The following TDRD9 variants were observed in gnomAD, a reference collection of about 807,000 sequenced individuals.
TDRD9 encodes the protein ATP-dependent RNA helicase TDRD9.
A neutral mutation model predicts 172.6 loss-of-function variants in TDRD9; 124 were observed. That is an observed-to-expected ratio of 0.72 (90% CI 0.62 to 0.83). The LOEUF (loss-of-function observed/expected upper bound fraction) is 0.83. Among genes scored for constraint, TDRD9 ranks in the 40% least tolerant of loss-of-function variants. The pLI, the probability that TDRD9 is intolerant of heterozygous loss-of-function variation, is 0.00. For missense variants in TDRD9, 1,479 were observed against 1,714.1 expected (o/e 0.86, Z 2.42); for synonymous variants, 619 against 617.1 (o/e 1.00, Z -0.05).
intron 24 of TDRD9, among the ~76,000 whole-genome samples, chr14:104,023,364 T>C (rs1334253574): frequency 1.3e-5 from 2 of 152,202 alleles, no homozygotes; most frequent in Admixed American, 6.5e-5. Context: ...TTTTAAGTAA[T>C]GTGGAATATT....
At chr14:104,014,979 G>A in intron 21 of TDRD9, 138 bp downstream of exon 21, 1 of 484,632 alleles carries the variant, frequency 2.1e-6, no homozygotes, top group Non-Finnish European at 3.7e-6. Flanking sequence ...TGTTCATACT[G>A]CGTTTGGGAA....
chr14:104,049,772 C>A, intron 35 of TDRD9, 92 bp downstream of exon 35: 2 of 1,139,236 alleles, frequency 1.8e-6, no homozygotes, highest in South Asian at 1.5e-5. Flanking sequence ...CAGGGCTGGC[C>A]GAGGGTCTGA....
chr14:103,956,108 AAAAATATATATATAT>A (rs1278399433), intron 2 of TDRD9, among the ~76,000 whole-genome samples: 5 of 36,232 alleles, frequency 1.4e-4, no homozygotes, highest in Non-Finnish European at 1.9e-4. Context: ...AAAAAAAAAA[AAAAATATATATATAT>A]ATATATATAT....
chr14:103,975,284 G>C, intron 6 of TDRD9, 105 bp from the exon 7 acceptor site: 1 of 1,059,998 alleles, frequency 9.4e-7, no homozygotes, highest in Middle Eastern at 2.6e-4. Context: ...AGTCTCAAAA[G>C]TTGTTAGATA....
rs192940179 is a variant in TDRD9, at chr14:104,017,209, G to C, written c.2332-883G>C. Among the ~76,000 whole-genome samples the C allele has an allele frequency of 2.9e-3, 438 of 152,172 alleles. 12 individuals carry two copies. Among genetic ancestry groups the C allele is most frequent in the Non-Finnish European group, 6.8e-4 (46 of 68,014 alleles). On this transcript the variant is annotated intron_variant, in intron 22 of 35. Transcript: ENST00000409874. ...TATAGGTCTCTTCCTCAGACGTCTA[G>C]TAGCTATGCCTGCATCCCTCGACCA...
chr14:104,037,950 C>T (rs894383750), intron 32 of TDRD9, among the ~76,000 whole-genome samples: 5 of 152,312 alleles, frequency 3.3e-5, no homozygotes, highest in South Asian at 2.1e-4. Flanking sequence ...TTGTGGAGCC[C>T]GCCTCCCTGG....
Position 103,928,519 on chromosome 14 carries a change from A to G in TDRD9, c.10A>G (p.Lys4Glu), listed in dbSNP as rs938209145. The change falls in exon 1 of 36, where the codon AAG (lysine) becomes GAG (glutamate). Residue 4 changes from lysine to glutamate, a missense_variant. Physicochemically the swap from Lys to Glu is moderately conservative, Grantham distance 56. Around this residue, in one of 3 missense-constraint regions of TDRD9, gnomAD observed 63 missense variants for 48.4 expected, o/e 1.30. Coordinates refer to ENST00000409874, the MANE Select transcript of TDRD9 (RefSeq NM_153046.3). ...CGCCTGGGCCTTGAGGATGCTGCGG[A>G]AGCTCACCATCGAGCAGATCAACGA... is the stretch of plus-strand genomic sequence containing the variant. Reference protein sequence around the residue: MLRKLTIEQINDWF... With the variant: MLRELTIEQINDWF... 2.1e-6 allele frequency: 3 copies of G among 1,425,122 alleles called. No homozygotes were observed. The highest frequency in any genetic ancestry group is 6.5e-5 in the East Asian group (2 of 30,964). 88.3% of individuals were successfully genotyped at this position (1,425,122 alleles called of 1,614,324 possible).
intron 8 of TDRD9, among the ~76,000 whole-genome samples, chr14:103,986,589 C>T (rs979144682): frequency 6.6e-6 from 1 of 152,130 alleles, no homozygotes; most frequent in Non-Finnish European, 1.5e-5. Flanking sequence ...TTTTTCCAGA[C>T]ATATAGGGGT....
chr14:104,046,638 T>C (rs1241148897), intron 34 of TDRD9, among the ~76,000 whole-genome samples: 1 of 147,030 alleles, frequency 6.8e-6, no homozygotes, highest in African/African-American at 2.5e-5. Context: ...CCTCCTGTTT[T>C]ATTCTTTTTC....
At chr14:103,978,808 C>T (rs79579617) in intron 7 of TDRD9, among the ~76,000 whole-genome samples, 1 of 152,050 alleles carries the variant, frequency 6.6e-6, no homozygotes, top group African/African-American at 2.4e-5. Flanking sequence ...AATTTAAATT[C>T]ACACATAATA....
At position 103,980,406 on chromosome 14, in the gene TDRD9, C is replaced by A. The variant is rs1421821337; in HGVS notation, c.1011+4853C>A. Among the ~76,000 whole-genome samples the A allele has an allele frequency of 6.6e-6, 1 of 151,644 alleles. No individual in the cohort carries two copies. The highest frequency in any genetic ancestry group is 1.5e-5 in the Non-Finnish European group (1 of 67,832). ...GCCCTTCCCTGCCTGGCAGCCAAGGCAGAGAGAGAGAGGAGAGAGAGAGGG... is the reference window on the plus strand; with the variant it reads ...GCCCTTCCCTGCCTGGCAGCCAAGGAAGAGAGAGAGAGGAGAGAGAGAGGG... On this transcript the variant is annotated intron_variant, in intron 7 of 35. Coordinates refer to ENST00000409874, the MANE Select transcript of TDRD9 (RefSeq NM_153046.3). This position sits in a 1 kb window ranked among gnomAD's most constrained non-coding sequence, Gnocchi z 4.5.
chr14:104,029,618 A>G (rs1030118670), intron 28 of TDRD9, among the ~76,000 whole-genome samples: 17 of 152,178 alleles, frequency 1.1e-4, no homozygotes, highest in Admixed American at 6.5e-5. Context: ...GTTATCTGCA[A>G]AGAGGGACAT....
intron 2 of TDRD9, among the ~76,000 whole-genome samples, chr14:103,961,347 G>A (rs1002754812): frequency 2.0e-5 from 3 of 152,122 alleles, no homozygotes; most frequent in Non-Finnish European, 4.4e-5. Flanking sequence ...TTGAGAGGCC[G>A]AGATCAGGAG....
chr14:103,950,919 C>T (rs1157073017), intron 1 of TDRD9, among the ~76,000 whole-genome samples: 3 of 152,200 alleles, frequency 2.0e-5, no homozygotes, highest in African/African-American at 4.8e-5. Flanking sequence ...AGGACATCTG[C>T]CCAGCCACTG....
chr14:103,951,866 A>G (rs1378540634), intron 1 of TDRD9, among the ~76,000 whole-genome samples: 1 of 150,712 alleles, frequency 6.6e-6, no homozygotes, highest in Non-Finnish European at 1.5e-5. Flanking sequence ...TCCCGAGTTC[A>G]CGCCGTTCTC....
At chr14:103,968,794 T>TAAAAAAAAAAAAAAAAAA (rs1475595274) in intron 5 of TDRD9, among the ~76,000 whole-genome samples, 4 of 2,170 alleles carry the variant, frequency 1.8e-3, no homozygotes, top group Non-Finnish European at 5.3e-3. Flanking sequence ...AGACTCTGTC[T>TAAAAAAAAAAAAAAAAAA]CAAAAAAAAA....
intron 4 of TDRD9, 68 bp from the exon 5 acceptor site, chr14:103,966,641 A>G (rs1008551513): frequency 4.2e-5 from 57 of 1,366,212 alleles, no homozygotes; most frequent in Middle Eastern, 4.2e-4. Flanking sequence ...TACCCCCATT[A>G]TATTAATAAA....
chr14:103,938,274 C>G (rs1057394118), intron 1 of TDRD9, among the ~76,000 whole-genome samples: 10 of 151,394 alleles, frequency 6.6e-5, no homozygotes, highest in African/African-American at 2.4e-4. Context: ...TTCATTTATT[C>G]TTTCTATTCC....
At chr14:103,995,919 G>A (rs2034043124) in intron 12 of TDRD9, 112 bp downstream of exon 12, 1 of 976,910 alleles carries the variant, frequency 1.0e-6, no homozygotes. Flanking sequence ...CTCCCGTTTT[G>A]GAACACAGAA....
Sources: allele counts gnomAD v4.1 joint callset (sites outside exome capture counted in the v4.1 genomes callset), GRCh38; gene constraint gnomAD v4.1.1; regional missense constraint gnomAD v4.1.1; non-coding constraint Gnocchi (gnomAD v3.1); transcripts MANE v1.5; gene names NCBI Gene and HGNC (gene_info 2026-07-23, HGNC 2026-07-21).